The following TENM4 variants were observed in gnomAD, a reference collection of about 807,000 sequenced individuals.
The protein encoded by TENM4 is teneurin-4.
TENM4 carries 82 observed loss-of-function variants against 243.3 expected under a neutral mutation model. That is an observed-to-expected ratio of 0.34 (90% confidence interval 0.28 to 0.40). The LOEUF (loss-of-function observed/expected upper bound fraction) is 0.40. TENM4 is among the 10% of genes least tolerant of loss of function. The pLI, the probability that TENM4 is intolerant of heterozygous loss-of-function variation, is 1.00. For missense variants in TENM4, 3,138 were observed against 3,673.3 expected (o/e 0.85, Z 3.77); for synonymous variants, 1,412 against 1,456.3 (o/e 0.97, Z 0.69).
In TENM4 at chr11:79,144,189, G is replaced by A. The variant is rs538013546; in HGVS notation, c.-66+4521C>T. Among the ~76,000 whole-genome samples the A allele has an allele frequency of 6.6e-5, 10 of 152,094 alleles. 1 individual carries two copies. The South Asian group carries it at 1.9e-3, about 28-fold the overall frequency. On this transcript the variant is annotated intron_variant, in intron 4 of 33. Coordinates refer to ENST00000278550, the MANE Select transcript of TENM4 (RefSeq NM_001098816.3). ...AAGAAGACATACGGATGGCAAACAGGTAGATGAAAAAGTGCTCAACATCAT... is the reference window on the plus strand; with the variant it reads ...AAGAAGACATACGGATGGCAAACAGATAGATGAAAAAGTGCTCAACATCAT...
At chr11:78,709,213 C>T (rs1046309282) in intron 26 of TENM4, among the ~76,000 whole-genome samples, 1 of 151,688 alleles carries the variant, frequency 6.6e-6, no homozygotes, top group Non-Finnish European at 1.5e-5. Flanking sequence ...GATCCACCCG[C>T]CTTGGCCTCC....
intron 32 of TENM4, among the ~76,000 whole-genome samples, chr11:78,668,475 A>AT (rs577968483): frequency 6.6e-6 from 1 of 151,602 alleles, no homozygotes; most frequent in Non-Finnish European, 1.5e-5. Flanking sequence ...TTGAGAACTA[A>AT]TTTTTTTTTA....
intron 19 of TENM4, among the ~76,000 whole-genome samples, chr11:78,739,406 G>T (rs938515427): frequency 1.7e-4 from 26 of 152,000 alleles, no homozygotes; most frequent in Non-Finnish European, 2.9e-4. Flanking sequence ...ATCAGAACTA[G>T]TTCCTCTCTC....
intron 4 of TENM4, among the ~76,000 whole-genome samples, chr11:79,115,721 A>G (rs1234778480): frequency 6.6e-6 from 1 of 152,214 alleles, no homozygotes; most frequent in African/African-American, 2.4e-5. Context: ...TGTCCAAGAC[A>G]TCAGAACCCT....
intron 1 of TENM4, among the ~76,000 whole-genome samples, chr11:79,408,052 G>A (rs771437155): frequency 5.9e-5 from 9 of 151,766 alleles, no homozygotes; most frequent in South Asian, 2.1e-4. Context: ...TACAGGCACC[G>A]GTCACCACGC....
chr11:79,280,406 C>T (rs2135362667), intron 2 of TENM4, among the ~76,000 whole-genome samples: 1 of 152,328 alleles, frequency 6.6e-6, no homozygotes, highest in Admixed American at 6.5e-5. Context: ...GGAGACCTAG[C>T]AAGGTGCCAC....
chr11:78,701,774 A>C lies in TENM4; in HGVS notation c.4839T>G (p.Thr1613=). ...TGDYLYNFTY[T]GDGDITLITD... ...TGATGAGTGTGATGTCGCCGTCCCC[A>C]GTGTAGGTGAAGTTGTACAGGTAGT... The change falls in exon 28 of 34, where the codon ACT becomes ACG. Residue 1613 remains threonine (T), a synonymous_variant. Coordinates refer to ENST00000278550, the MANE Select transcript of TENM4 (RefSeq NM_001098816.3). 1 of 1,613,754 alleles carries C rather than the reference A, an allele frequency of 6.2e-7. No individual in the cohort carries two copies. Among genetic ancestry groups the C allele is most frequent in the Non-Finnish European group, 8.5e-7 (1 of 1,179,826 alleles).
intron 6 of TENM4, among the ~76,000 whole-genome samples, chr11:78,983,148 T>A (rs1857839839): frequency 6.6e-6 from 1 of 152,230 alleles, no homozygotes; most frequent in South Asian, 2.1e-4. Context: ...GAGCACCTAG[T>A]GTATAAAATG....
chr11:79,058,476 C>T (rs371282810), intron 6 of TENM4, among the ~76,000 whole-genome samples: 15 of 150,454 alleles, frequency 1.0e-4, no homozygotes, highest in African/African-American at 3.2e-4. Flanking sequence ...ACCCTGGAGG[C>T]GGAGTTGCAG....
intron 6 of TENM4, among the ~76,000 whole-genome samples, chr11:79,044,316 CAAG>C (rs1476774745): frequency 6.6e-6 from 1 of 152,130 alleles, no homozygotes; most frequent in Non-Finnish European, 1.5e-5. Context: ...TACTGCTTGG[CAAG>C]AAGGTCAGGG....
intron 28 of TENM4, among the ~76,000 whole-genome samples, chr11:78,697,383 G>A (rs773459879): frequency 5.3e-5 from 8 of 152,096 alleles, no homozygotes; most frequent in Non-Finnish European, 1.0e-4. Flanking sequence ...TCAAGGAAAC[G>A]CACGAATTTA....
In TENM4 at chr11:78,980,794, A is replaced by C. The variant is rs939480783; in HGVS notation, c.494-77271T>G. Among the ~76,000 whole-genome samples the C allele has an allele frequency of 4.6e-5, 7 of 152,144 alleles. 1 individual carries two copies. The South Asian group carries it at 6.2e-4, about 14-fold the overall frequency. ...ACAGGGGCTTAAAGAGTTCTATGAGAGCTCTACTGAAGTGTTTGCTGTCAT... is the reference window on the plus strand; with the variant it reads ...ACAGGGGCTTAAAGAGTTCTATGAGCGCTCTACTGAAGTGTTTGCTGTCAT... On this transcript the variant is annotated intron_variant, in intron 6 of 33. Transcript: ENST00000278550.
rs73496579 is a variant in TENM4, at chr11:78,749,015, G to A, written c.2756+7790C>T. Reference sequence around the variant, plus strand: ...CCCTCTAACCCAAGCTGTTCCCGCTGCACCACAGCATCCTCTGCTAATGCT... The same window carrying A: ...CCCTCTAACCCAAGCTGTTCCCGCTACACCACAGCATCCTCTGCTAATGCT... On this transcript the variant is annotated intron_variant, in intron 19 of 33. Coordinates refer to ENST00000278550, the MANE Select transcript of TENM4 (RefSeq NM_001098816.3). 2.6e-3 allele frequency among the ~76,000 whole-genome samples: 395 copies of A among 152,274 alleles called. 3 individuals carry two copies. Among genetic ancestry groups the A allele is most frequent in the African/African-American group, 9.1e-3 (380 of 41,548 alleles).
chr11:79,116,745 G>T (rs1334948598), intron 4 of TENM4, among the ~76,000 whole-genome samples: 1 of 152,102 alleles, frequency 6.6e-6, no homozygotes. Flanking sequence ...TATCGCCTGG[G>T]GCCAGGTAGA....
intron 6 of TENM4, among the ~76,000 whole-genome samples, chr11:78,942,578 T>C (rs1187760726): frequency 1.3e-5 from 2 of 152,180 alleles, no homozygotes; most frequent in African/African-American, 4.8e-5. Context: ...AAGTTTGCTC[T>C]AGGGCAAAGG....
At chr11:78,759,309 G>A (rs1009955787) in intron 18 of TENM4, among the ~76,000 whole-genome samples, 1 of 152,196 alleles carries the variant, frequency 6.6e-6, no homozygotes, top group Non-Finnish European at 1.5e-5. Flanking sequence ...ATTACAGCCC[G>A]AGCTGAGGGT....
intron 1 of TENM4, among the ~76,000 whole-genome samples, chr11:79,301,421 C>T (rs2135398942): frequency 6.6e-6 from 1 of 152,298 alleles, no homozygotes. Flanking sequence ...TTCCTCTCTG[C>T]CTGGCTGACC....
intron 4 of TENM4, among the ~76,000 whole-genome samples, chr11:79,126,514 G>C (rs1392864521): frequency 6.6e-6 from 1 of 152,216 alleles, no homozygotes; most frequent in Non-Finnish European, 1.5e-5. Flanking sequence ...ATGGACAGCA[G>C]AGGCAAAGTG....
chr11:79,051,528 A>G (rs368097935), intron 6 of TENM4, among the ~76,000 whole-genome samples: 24 of 152,360 alleles, frequency 1.6e-4, no homozygotes, highest in African/African-American at 5.8e-4. Context: ...ATCAGGTAAT[A>G]TGACTAGGGT....
Sources: allele counts gnomAD v4.1 joint callset (sites outside exome capture counted in the v4.1 genomes callset), GRCh38; gene constraint gnomAD v4.1.1; transcripts MANE v1.5; gene names NCBI Gene and HGNC (gene_info 2026-07-23, HGNC 2026-07-21).